Variants in KDM2B observed in about 807,000 individuals in gnomAD.
KDM2B encodes the protein lysine-specific demethylase 2B.
KDM2B carries 26 observed loss-of-function variants against 150.0 expected under a neutral mutation model. That is an observed-to-expected ratio of 0.17 (90% CI 0.13 to 0.24). The LOEUF is 0.24. Among genes scored for constraint, KDM2B ranks in the 10% least tolerant of loss-of-function variants. The pLI is 1.00. For synonymous variants in KDM2B, 734 were observed against 729.5 expected, an observed-to-expected ratio of 1.01 and a Z score of -0.10; for missense variants, 1,265 against 1,816.9, an observed-to-expected ratio of 0.70 and a Z score of 5.52.
In KDM2B at chr12:121,520,958, C is replaced by T. The variant is rs782703166; in HGVS notation, c.1047+27G>A. 25 of 1,583,714 alleles carry T rather than the reference C, an allele frequency of 1.6e-5. No homozygotes were observed. Among genetic ancestry groups the T allele is most frequent in the African/African-American group, 4.0e-5 (3 of 74,302 alleles). ...GCAGAGCTCAGGGGCCAGGCGCGCA[C>T]GCGAGGACAGAAGGGAACCTCCTTA... On this transcript the variant is annotated intron_variant, in intron 9 of 22. Coordinates refer to ENST00000377071, the MANE Select transcript of KDM2B (RefSeq NM_032590.5). The surrounding 1 kb of genome is among the most constrained non-coding windows in gnomAD (Gnocchi z 4.5).
intron 9 of KDM2B, among the ~76,000 whole-genome samples, chr12:121,516,069 C>T (rs1348935708): frequency 6.6e-6 from 1 of 152,074 alleles, no homozygotes; most frequent in Non-Finnish European, 1.5e-5. Context: ...CTCAGCCCCA[C>T]CTCTATTCAA....
chr12:121,580,686 C>T (rs1356984947), intron 1 of KDM2B, 100 bp downstream of exon 1: 3 of 1,442,324 alleles, frequency 2.1e-6, no homozygotes, highest in African/African-American at 1.4e-5. Flanking sequence ...GCCCCCGGGG[C>T]CTGGCACCCC....
In KDM2B at chr12:121,560,611, C is replaced by A. The variant is rs143701403; in HGVS notation, c.398-10973G>T. Among the ~76,000 whole-genome samples the A allele has an allele frequency of 2.6e-3, 399 of 151,898 alleles. 2 individuals carry two copies. The highest frequency in any genetic ancestry group is 3.9e-3 in the Non-Finnish European group (265 of 67,986). ...AGTTCCTGAATACTCGGATCACTTC[C>A]CTTAAATGTATAAAGTGGGCAGGGG... is the stretch of plus-strand genomic sequence containing the variant. On this transcript the variant is annotated intron_variant, in intron 4 of 22. Coordinates refer to ENST00000377071, the MANE Select transcript of KDM2B (RefSeq NM_032590.5).
At chr12:121,484,940 C>T (rs1433851589) in intron 12 of KDM2B, among the ~76,000 whole-genome samples, 1 of 152,048 alleles carries the variant, frequency 6.6e-6, no homozygotes, top group African/African-American at 2.4e-5. Flanking sequence ...TGTTGAAATC[C>T]GAGCCCCTAG....
At chr12:121,435,718 T>A (rs1012633479) in intron 22 of KDM2B, among the ~76,000 whole-genome samples, 1 of 152,162 alleles carries the variant, frequency 6.6e-6, no homozygotes, top group African/African-American at 2.4e-5. Flanking sequence ...AGCCCCATAC[T>A]TGACCATACC....
At chr12:121,527,931 G>A (rs945119123) in intron 8 of KDM2B, among the ~76,000 whole-genome samples, 3 of 152,190 alleles carry the variant, frequency 2.0e-5, no homozygotes, top group African/African-American at 7.2e-5. Context: ...AGGTTGAGTT[G>A]GAGGAAAAAG....
At chr12:121,450,441 A>T (rs1198382724) in intron 13 of KDM2B, among the ~76,000 whole-genome samples, 1 of 152,236 alleles carries the variant, frequency 6.6e-6, no homozygotes, top group Non-Finnish European at 1.5e-5. Context: ...GATGCTCAAC[A>T]TCACTAAGAA....
intron 12 of KDM2B, among the ~76,000 whole-genome samples, chr12:121,485,604 G>A (rs984770644): frequency 3.3e-5 from 5 of 151,752 alleles, no homozygotes; most frequent in African/African-American, 4.8e-5. Flanking sequence ...AAAACTTTCC[G>A]TCGGGGGGCA....
chr12:121,428,969 C>T (rs957391114), downstream of KDM2B: 18 of 152,228 alleles, frequency 1.2e-4, no homozygotes, highest in African/African-American at 3.4e-4. Context: ...CTAATTCCTA[C>T]GCGTGGCCGT....
intron 12 of KDM2B, among the ~76,000 whole-genome samples, chr12:121,478,895 T>TGTGTG (rs1593889289): frequency 1.3e-5 from 2 of 151,246 alleles, no homozygotes; most frequent in Non-Finnish European, 3.0e-5. Context: ...TGTGTGTGTG[T>TGTGTG]TTTGTAGAGA....
At chr12:121,458,523 T>TG (rs1430054469) in intron 12 of KDM2B, among the ~76,000 whole-genome samples, 2 of 35,970 alleles carry the variant, frequency 5.6e-5, no homozygotes, top group African/African-American at 2.1e-4. Context: ...GGATGGGGGG[T>TG]GGGGGCGGTG....
At chr12:121,454,245 A>G (rs1352418273) in intron 12 of KDM2B, among the ~76,000 whole-genome samples, 1 of 152,126 alleles carries the variant, frequency 6.6e-6, no homozygotes, top group East Asian at 1.9e-4. Context: ...GCACCTCTCT[A>G]CGAGCCAGCC....
intron 8 of KDM2B, among the ~76,000 whole-genome samples, chr12:121,529,457 A>G (rs1014656177): frequency 1.3e-5 from 2 of 152,090 alleles, no homozygotes; most frequent in African/African-American, 4.8e-5. Flanking sequence ...CCAGAATTCA[A>G]TTCTCTGCTT....
chr12:121,440,099 C>T lies in KDM2B; in HGVS notation c.3611-24G>A, dbSNP rs538136311. On this transcript the variant is annotated intron_variant, in intron 21 of 22. Transcript: ENST00000377071. ...ACCTGGTGGGGCAGGAAGGAGGGGG[C>T]AACCCGTCAATCTGACCGAGGAGGC... is the stretch of plus-strand genomic sequence containing the variant. 6 of 1,560,380 alleles carry T rather than the reference C, an allele frequency of 3.8e-6. No individual in the cohort carries two copies. In the East Asian group the frequency reaches 9.3e-5, roughly 24 times the overall value.
At chr12:121,572,977 C>T (rs1473283043) in intron 4 of KDM2B, among the ~76,000 whole-genome samples, 1 of 152,038 alleles carries the variant, frequency 6.6e-6, no homozygotes, top group Non-Finnish European at 1.5e-5. Context: ...AGGCGCCTGC[C>T]ACTACGCCCG....
chr12:121,478,113 T>TC (rs1173189621), intron 12 of KDM2B, among the ~76,000 whole-genome samples: 2 of 151,046 alleles, frequency 1.3e-5, no homozygotes, highest in Non-Finnish European at 1.5e-5. Context: ...CAAATAACCC[T>TC]CCCGCCTTGG....
intron 17 of KDM2B, 49 bp downstream of exon 17, chr12:121,443,630 AG>A (rs1875583469): frequency 4.5e-6 from 5 of 1,115,624 alleles, no homozygotes; most frequent in Non-Finnish European, 5.4e-6. Flanking sequence ...GGGACAGCCC[AG>A]GACTCGCCAG....
intron 12 of KDM2B, among the ~76,000 whole-genome samples, chr12:121,455,547 T>A (rs1350368418): frequency 2.0e-5 from 3 of 152,048 alleles, no homozygotes; most frequent in African/African-American, 2.4e-5. Flanking sequence ...CTACAAAAAA[T>A]TTTTAAAATT....
intron 11 of KDM2B, among the ~76,000 whole-genome samples, chr12:121,500,379 T>C (rs536819041): frequency 1.6e-4 from 24 of 152,304 alleles, no homozygotes; most frequent in African/African-American, 5.8e-4. Context: ...CGTGGGACCC[T>C]TTCTGCGGGA....
Sources: gnomAD v4.1 joint callset for allele counts (sites outside exome capture counted in the v4.1 genomes callset) on GRCh38, gnomAD v4.1.1 for gene constraint, Gnocchi (gnomAD v3.1) non-coding constraint, MANE v1.5 for transcripts, NCBI Gene and HGNC (gene_info 2026-07-23, HGNC 2026-07-21) for gene names.